The following HS2ST1 variants were observed in gnomAD, a reference collection of about 807,000 sequenced individuals.
The protein encoded by HS2ST1 is 2-O-sulfotransferase.
Under a neutral mutation model 42.9 loss-of-function variants are expected in HS2ST1, and 18 were observed. That is an observed-to-expected ratio of 0.42 (90% CI 0.29 to 0.62). HS2ST1 has a LOEUF of 0.62. HS2ST1 is among the 20% of genes least tolerant of loss of function. The probability of loss-of-function intolerance (pLI) is 0.21; values close to 1 mark genes in which losing one functional copy is unlikely to be tolerated. For missense variants in HS2ST1, 334 were observed against 433.8 expected, an observed-to-expected ratio of 0.77 and a Z score of 2.04; for synonymous variants, 146 against 152.9, an observed-to-expected ratio of 0.95 and a Z score of 0.33.
intron 1 of HS2ST1, among the ~76,000 whole-genome samples, chr1:86,922,739 C>A (rs1467157490): frequency 2.0e-5 from 3 of 151,806 alleles, no homozygotes; most frequent in Admixed American, 6.6e-5. Flanking sequence ...TTTTATTTTT[C>A]CTCTTTTGCC....
At chr1:87,073,460 A>T (rs1004761029) in intron 2 of HS2ST1, among the ~76,000 whole-genome samples, 1 of 152,216 alleles carries the variant, frequency 6.6e-6, no homozygotes. Flanking sequence ...TTTTAAAAAT[A>T]TAATTTTGGC....
rs1652296640 is a variant in HS2ST1, at chr1:87,104,865, T to C, written c.*169T>C. ...AGGAAGTAGATACTGGCTGGCATTG[T>C]CAGTGTTCTAAGTTTCAGGCATTTT... On this transcript the variant is annotated 3_prime_UTR_variant, in exon 7 of 7. Coordinates refer to ENST00000370550, the MANE Select transcript of HS2ST1 (RefSeq NM_012262.4). 3 of 552,902 alleles carry C rather than the reference T, an allele frequency of 5.4e-6. No individual in the cohort carries two copies. The South Asian group carries it at 7.8e-5, about 14-fold the overall frequency. The allele number at this position is 552,902 out of a possible 1,614,324, so 34.2% of individuals were successfully genotyped here.
intron 1 of HS2ST1, among the ~76,000 whole-genome samples, chr1:86,990,133 G>A (rs1648900438): frequency 6.6e-6 from 1 of 152,050 alleles, no homozygotes; most frequent in Admixed American, 6.5e-5. Flanking sequence ...GATCCTTCAG[G>A]AATTGCCACA....
chr1:86,944,896 G>A (rs1211762611), intron 1 of HS2ST1, among the ~76,000 whole-genome samples: 1 of 150,590 alleles, frequency 6.6e-6, no homozygotes, highest in Non-Finnish European at 1.5e-5. Context: ...TAGATACTCC[G>A]CTGTTTTTAC....
rs1557504642 is a variant in HS2ST1, at chr1:86,985,376, A to ATGTG, written c.124+70217_124+70218insGTGT. On this transcript the variant is annotated intron_variant, in intron 1 of 6. Coordinates refer to ENST00000370550, the MANE Select transcript of HS2ST1 (RefSeq NM_012262.4). ...CAAAAAAAAAAAAAAAAGTATATAT[A>ATGTG]TATATATACACACACACACACACAT... is the stretch of plus-strand genomic sequence containing the variant. Among the ~76,000 whole-genome samples the ATGTG allele has an allele frequency of 1.6e-3, 87 of 55,746 alleles. 4 individuals carry two copies. The highest frequency in any genetic ancestry group is 3.4e-3 in the African/African-American group (85 of 24,650). 36.6% of individuals were successfully genotyped at this position (55,746 alleles called of 152,430 possible). A position where few individuals can be genotyped will look rare whatever the true frequency, so the allele number is the denominator to read the frequency against.
rs1308390607 is a variant in HS2ST1 at position 86,914,901 on chromosome 1, G to A, written c.-136G>A. 5.7e-6 allele frequency: 6 copies of A among 1,048,786 alleles called. No homozygotes were observed. The highest frequency in any genetic ancestry group is 8.3e-6 in the Non-Finnish European group (6 of 719,014). 65.0% of individuals were successfully genotyped at this position (1,048,786 alleles called of 1,614,324 possible). On this transcript the variant is annotated 5_prime_UTR_variant, in exon 1 of 7. Transcript: ENST00000370550. ...GACTGGAGAGGCGAGAAGGGGGGTCGCTGCGGTGGTTCTCTCGCTGTCGCT... is the reference window on the plus strand; with the variant it reads ...GACTGGAGAGGCGAGAAGGGGGGTCACTGCGGTGGTTCTCTCGCTGTCGCT...
chr1:86,931,791 A>G (rs984324876), intron 1 of HS2ST1, among the ~76,000 whole-genome samples: 1 of 152,100 alleles, frequency 6.6e-6, no homozygotes, highest in Non-Finnish European at 1.5e-5. Context: ...TTGCTTATTT[A>G]GAAAAAAATG....
intron 1 of HS2ST1, among the ~76,000 whole-genome samples, chr1:86,983,885 C>G (rs1648673821): frequency 6.6e-6 from 1 of 151,902 alleles, no homozygotes; most frequent in Non-Finnish European, 1.5e-5. Context: ...ACTAAAAATA[C>G]AAAAATTAGC....
At chr1:87,020,339 A>G (rs1649905024) in intron 1 of HS2ST1, among the ~76,000 whole-genome samples, 1 of 152,146 alleles carries the variant, frequency 6.6e-6, no homozygotes, top group Admixed American at 6.5e-5. Flanking sequence ...ACTGATGCAA[A>G]TGCATCTTTC....
chr1:86,915,820 C>G (rs946396009), intron 1 of HS2ST1, among the ~76,000 whole-genome samples: 7 of 152,152 alleles, frequency 4.6e-5, no homozygotes, highest in African/African-American at 1.7e-4. Flanking sequence ...TTAAATTCTT[C>G]TTTAGTGGCG....
chr1:87,090,801 C>G (rs1301675533), intron 3 of HS2ST1, among the ~76,000 whole-genome samples: 1 of 151,924 alleles, frequency 6.6e-6, no homozygotes, highest in African/African-American at 2.4e-5. Flanking sequence ...CTTTTTGATT[C>G]TACAGGCAGC....
At chr1:86,944,612 C>T (rs1352577282) in intron 1 of HS2ST1, among the ~76,000 whole-genome samples, 1 of 152,084 alleles carries the variant, frequency 6.6e-6, no homozygotes, top group African/African-American at 2.4e-5. Context: ...CCTTGGTCTC[C>T]CATAGTGCTG....
chr1:86,988,382 C>T (rs1248644068), intron 1 of HS2ST1, among the ~76,000 whole-genome samples: 1 of 152,264 alleles, frequency 6.6e-6, no homozygotes, highest in African/African-American at 2.4e-5. Context: ...AGACATTCTG[C>T]TTTGCTTACC....
intron 1 of HS2ST1, among the ~76,000 whole-genome samples, chr1:87,034,029 T>G (rs577302734): frequency 6.6e-6 from 1 of 152,312 alleles, no homozygotes; most frequent in South Asian, 2.1e-4. Context: ...GTCTAATGAG[T>G]AATATTTTGC....
In HS2ST1 at chr1:86,915,060, G is replaced by T; in HGVS notation, c.24G>T (p.Met8Ile). 1.2e-6 allele frequency: 2 copies of T among 1,614,178 alleles called. No homozygotes were observed. Among genetic ancestry groups the T allele is most frequent in the Non-Finnish European group, 1.7e-6 (2 of 1,180,032 alleles). Residue 8 changes from methionine (M) to isoleucine (I), a missense_variant, in exon 1 of 7, where the codon ATG becomes ATT. Transcript: ENST00000370550. ...TCATGGGGCTCCTCAGGATTATGAT[G>T]CCGCCCAAGTTGCAGCTGCTGGCGG... MGLLRIM[M>I]PPKLQLLAVV...
At position 87,103,503 on chromosome 1, in the gene HS2ST1, T is replaced by G; in HGVS notation, c.758T>G (p.Val253Gly). 1 of 1,612,884 alleles carries G rather than the reference T, an allele frequency of 6.2e-7. No individual in the cohort carries two copies. The highest frequency in any genetic ancestry group is 8.5e-7 in the Non-Finnish European group (1 of 1,179,416). ...NLINEYFLVG[V>G]TEELEDFIML... is the part of the protein sequence containing the mutation. Reference sequence around the variant, plus strand: ...ATTAATGAATATTTTCTGGTGGGAGTTACTGAAGAACTTGAAGATTTTATC... The same window carrying G: ...ATTAATGAATATTTTCTGGTGGGAGGTACTGAAGAACTTGAAGATTTTATC... Residue 253 changes from valine (V) to glycine (G), a missense_variant, in exon 6 of 7, where the codon GTT becomes GGT. Transcript: ENST00000370550.
At chr1:87,078,043 A>C (rs1030548735) in intron 2 of HS2ST1, among the ~76,000 whole-genome samples, 6 of 152,208 alleles carry the variant, frequency 3.9e-5, no homozygotes, top group African/African-American at 1.4e-4. Context: ...AAAAGTACCC[A>C]CAGCCATACA....
chr1:87,089,014 A>C (rs1461478174), intron 3 of HS2ST1, among the ~76,000 whole-genome samples: 1 of 151,996 alleles, frequency 6.6e-6, no homozygotes, highest in African/African-American at 2.4e-5. Context: ...ATGAAGCAGA[A>C]AGATTTCAAA....
At position 87,092,589 on chromosome 1, in the gene HS2ST1, C is replaced by T; in HGVS notation, c.508C>T (p.Leu170=). 6.3e-7 allele frequency: 1 copy of T among 1,588,348 alleles called. No homozygotes were observed. The highest frequency in any genetic ancestry group is 8.6e-7 in the Non-Finnish European group (1 of 1,166,310). Residue 170 remains leucine (L), a synonymous_variant, in exon 4 of 7, where the codon CTA becomes TTA. Coordinates refer to ENST00000370550, the MANE Select transcript of HS2ST1 (RefSeq NM_012262.4). ...INVIRDPIER[L]VSYYYFLRFG... ...TGTCATAAGGGATCCTATTGAGAGG[C>T]TAGTTTCTTATTATTACTTTCTGAG...
Sources: gnomAD v4.1 joint callset for allele counts (sites outside exome capture counted in the v4.1 genomes callset) on GRCh38, gnomAD v4.1.1 for gene constraint, MANE v1.5 for transcripts, NCBI Gene and HGNC (gene_info 2026-07-23, HGNC 2026-07-21) for gene names.